CLYBL: variants seen among roughly 807,000 people sequenced by gnomAD.
CLYBL encodes the protein citramalyl-CoA lyase.
In CLYBL, 31 loss-of-function variants were observed where a neutral mutation model predicts 38.9. The ratio of observed to expected loss-of-function variants is 0.80; its 90% CI spans 0.60 to 1.08. The LOEUF (loss-of-function observed/expected upper bound fraction) is 1.08, where lower values mean the gene tolerates loss of function less well. CLYBL is among the 50% of genes least tolerant of loss of function. The probability of loss-of-function intolerance (pLI) is 0.00; values close to 1 mark genes in which losing one functional copy is unlikely to be tolerated. For missense variants in CLYBL, 434 were observed against 411.6 expected, an observed-to-expected ratio of 1.05 and a Z score of -0.47; for synonymous variants, 171 against 158.6, an observed-to-expected ratio of 1.08 and a Z score of -0.59.
intron 1 of CLYBL, among the ~76,000 whole-genome samples, chr13:99,671,120 TG>T (rs1002097648): frequency 9.2e-5 from 14 of 152,174 alleles, no homozygotes; most frequent in African/African-American, 3.4e-4. Flanking sequence ...TAGCTGGTTC[TG>T]CTGCCAGATT....
intron 1 of CLYBL, among the ~76,000 whole-genome samples, chr13:99,716,794 T>C (rs1021698942): frequency 3.5e-5 from 5 of 144,822 alleles, no homozygotes; most frequent in African/African-American, 7.7e-5. Flanking sequence ...TTTCTTTTTT[T>C]TTTTTTTTTT....
intron 1 of CLYBL, among the ~76,000 whole-genome samples, chr13:99,636,422 C>T (rs2047018820): frequency 6.6e-6 from 1 of 152,204 alleles, no homozygotes; most frequent in Admixed American, 6.5e-5. Context: ...CCTGGTGAGC[C>T]TGTCTTCAGC....
intron 1 of CLYBL, among the ~76,000 whole-genome samples, chr13:99,645,419 A>T (rs1207851907): frequency 6.6e-6 from 1 of 151,300 alleles, no homozygotes; most frequent in Non-Finnish European, 1.5e-5. Flanking sequence ...AATGGTGTGA[A>T]CACAGGAGGC....
At chr13:99,653,548 T>C (rs1422423494) in intron 1 of CLYBL, among the ~76,000 whole-genome samples, 1 of 152,230 alleles carries the variant, frequency 6.6e-6, no homozygotes, top group Non-Finnish European at 1.5e-5. Flanking sequence ...AATAGTGATC[T>C]TTCATGTTTA....
chr13:99,662,286 A>C (rs997576066), intron 1 of CLYBL, among the ~76,000 whole-genome samples: 6 of 152,204 alleles, frequency 3.9e-5, no homozygotes, highest in Admixed American at 2.0e-4. Context: ...GTTAACACTC[A>C]GAATTATTTT....
intron 2 of CLYBL, among the ~76,000 whole-genome samples, chr13:99,773,951 C>T (rs1001391440): frequency 4.6e-5 from 7 of 151,976 alleles, no homozygotes; most frequent in African/African-American, 7.3e-5. Context: ...ACTTGTAGGC[C>T]GGATGAGGTG....
intron 7 of CLYBL, among the ~76,000 whole-genome samples, chr13:99,878,231 A>G (rs555845219): frequency 1.0e-3 from 152 of 152,342 alleles, no homozygotes; most frequent in African/African-American, 3.4e-3. Context: ...CAATTATTTC[A>G]TCAGTTGTTA....
chr13:99,630,741 T>G (rs2046931628), intron 1 of CLYBL, among the ~76,000 whole-genome samples: 1 of 152,204 alleles, frequency 6.6e-6, no homozygotes. Context: ...AATCCTGTTC[T>G]TATTCTTGGA....
intron 1 of CLYBL, among the ~76,000 whole-genome samples, chr13:99,650,069 A>C (rs9517812): frequency 0.2 from 29,879 of 151,668 alleles, 3,030 homozygotes; most frequent in African/African-American, 0.22. Flanking sequence ...AGAGACCATC[A>C]TGGCTAACAC....
At chr13:99,780,449 C>T (rs2049618547) in intron 2 of CLYBL, among the ~76,000 whole-genome samples, 1 of 151,982 alleles carries the variant, frequency 6.6e-6, no homozygotes, top group Non-Finnish European at 1.5e-5. Context: ...GGCATGATCT[C>T]GGCTCACTGC....
intron 1 of CLYBL, among the ~76,000 whole-genome samples, chr13:99,751,259 C>T (rs1056428542): frequency 1.3e-5 from 2 of 151,600 alleles, no homozygotes; most frequent in South Asian, 2.1e-4. Context: ...CTCACTCTGT[C>T]ACCCAGGCTG....
At chr13:99,904,650 C>T (rs541515380) in intron 8 of CLYBL, among the ~76,000 whole-genome samples, 30 of 145,832 alleles carry the variant, frequency 2.1e-4, no homozygotes, top group African/African-American at 6.4e-4. Flanking sequence ...ATGGCAGCGT[C>T]GTGCTTCAAA....
chr13:99,615,414 C>G (rs76438664), intron 1 of CLYBL, among the ~76,000 whole-genome samples: 5 of 152,116 alleles, frequency 3.3e-5, no homozygotes, highest in Non-Finnish European at 5.9e-5. Context: ...GCTATTAGTA[C>G]GTTTAATTAA....
At chr13:99,870,834 A>G in intron 6 of CLYBL, 104 bp from the exon 7 acceptor site, 2 of 1,164,010 alleles carry the variant, frequency 1.7e-6, no homozygotes, top group Non-Finnish European at 2.4e-6. Context: ...TTAGTTATTT[A>G]ACATACAGTC....
chr13:99,830,099 A>T (rs2050776362), intron 2 of CLYBL, among the ~76,000 whole-genome samples: 1 of 152,162 alleles, frequency 6.6e-6, no homozygotes, highest in South Asian at 2.1e-4. Flanking sequence ...ACCTTCAGTC[A>T]TTTGTTGATC....
intron 2 of CLYBL, among the ~76,000 whole-genome samples, chr13:99,781,252 G>A (rs964330002): frequency 2.0e-5 from 3 of 150,968 alleles, no homozygotes; most frequent in African/African-American, 7.3e-5. Context: ...CTCACTGCTA[G>A]CTCCGCCTCC....
chr13:99,671,413 T>C (rs1225472153), intron 1 of CLYBL, among the ~76,000 whole-genome samples: 6 of 152,166 alleles, frequency 3.9e-5, no homozygotes, highest in Non-Finnish European at 7.4e-5. Context: ...GATTGATCTA[T>C]AGCCATGGAC....
chr13:99,906,662 G>A (rs2052701478), intron 9 of CLYBL, among the ~76,000 whole-genome samples: 1 of 152,124 alleles, frequency 6.6e-6, no homozygotes, highest in African/African-American at 2.4e-5. Context: ...GACCTCAGGT[G>A]ATCCACCCTC....
At chr13:99,753,930 A>C (rs1028727665) in intron 1 of CLYBL, among the ~76,000 whole-genome samples, 1 of 148,874 alleles carries the variant, frequency 6.7e-6, no homozygotes, top group Non-Finnish European at 1.5e-5. Context: ...CTCTACAAAA[A>C]TACAAAACTT....
Sources: allele counts gnomAD v4.1 joint callset (sites outside exome capture counted in the v4.1 genomes callset), GRCh38; gene constraint gnomAD v4.1.1; transcripts MANE v1.5; gene names NCBI Gene and HGNC (gene_info 2026-07-23, HGNC 2026-07-21).